Variants in PRR16 observed in about 807,000 individuals in gnomAD.
PRR16 encodes protein Largen.
PRR16 carries 6 observed loss-of-function variants against 18.2 expected under a neutral mutation model. The ratio of observed to expected loss-of-function variants is 0.33; its 90% CI spans 0.18 to 0.65. The LOEUF is 0.65. Among genes scored for constraint, PRR16 ranks in the 30% least tolerant of loss-of-function variants. The pLI is 0.74. For missense variants in PRR16, 412 were observed against 376.6 expected (o/e 1.09, Z -0.78); for synonymous variants, 151 against 147.8 (o/e 1.02, Z -0.16).
chr5:120,471,211 A>G (rs1258381228), intron 1 of PRR16, among the ~76,000 whole-genome samples: 1 of 152,180 alleles, frequency 6.6e-6, no homozygotes, highest in African/African-American at 2.4e-5. Flanking sequence ...ATTTGCAAAT[A>G]AAGATGTGCT....
chr5:120,507,357 A>T (rs1750680345), intron 1 of PRR16, among the ~76,000 whole-genome samples: 1 of 152,258 alleles, frequency 6.6e-6, no homozygotes, highest in East Asian at 1.9e-4. Context: ...GAAGTATTTT[A>T]CTTAAATTGC....
the PRR16 span, among the ~76,000 whole-genome samples, chr5:120,793,901 C>T: frequency 1.3e-5 from 2 of 152,048 alleles, no homozygotes; most frequent in African/African-American, 4.8e-5. Flanking sequence ...GCAGTGGTAA[C>T]ACAATGATAA....
intron 1 of PRR16, among the ~76,000 whole-genome samples, chr5:120,618,787 C>G (rs1423855281): frequency 1.3e-5 from 2 of 151,032 alleles, no homozygotes; most frequent in Non-Finnish European, 2.9e-5. Context: ...GAATTCACCT[C>G]GAAGCTATAC....
intron 1 of PRR16, among the ~76,000 whole-genome samples, chr5:120,480,206 C>T (rs1260540990): frequency 2.0e-5 from 3 of 152,070 alleles, no homozygotes; most frequent in African/African-American, 7.2e-5. Context: ...ACCTGGGAGG[C>T]AGAGGTTGCA....
chr5:120,567,339 C>T (rs966886513), intron 1 of PRR16, among the ~76,000 whole-genome samples: 1 of 152,096 alleles, frequency 6.6e-6, no homozygotes, highest in East Asian at 1.9e-4. Context: ...ATCTGAGAGA[C>T]TGGACGTTGG....
At chr5:120,523,890 A>G (rs1751268022) in intron 1 of PRR16, among the ~76,000 whole-genome samples, 1 of 152,168 alleles carries the variant, frequency 6.6e-6, no homozygotes, top group African/African-American at 2.4e-5. Context: ...AGATAATTCA[A>G]CCCAAGAGAA....
the PRR16 span, among the ~76,000 whole-genome samples, chr5:120,789,606 T>A: frequency 6.6e-6 from 1 of 152,122 alleles, no homozygotes; most frequent in African/African-American, 2.4e-5. Context: ...TCTACCTCAA[T>A]GGAAAAGCAT....
the PRR16 span, among the ~76,000 whole-genome samples, chr5:120,737,004 T>G: frequency 6.6e-6 from 1 of 152,254 alleles, no homozygotes; most frequent in African/African-American, 2.4e-5. Context: ...GAGAGAGATC[T>G]TTAGAGTGTT....
intron 1 of PRR16, among the ~76,000 whole-genome samples, chr5:120,548,001 A>G (rs867047807): frequency 2.6e-5 from 4 of 152,090 alleles, no homozygotes; most frequent in African/African-American, 9.6e-5. Flanking sequence ...ATGATAAATT[A>G]TAGATTTAGG....
At chr5:120,572,127 A>T (rs1752927672) in intron 1 of PRR16, among the ~76,000 whole-genome samples, 1 of 152,106 alleles carries the variant, frequency 6.6e-6, no homozygotes, top group Non-Finnish European at 1.5e-5. Context: ...CTCGTACTGT[A>T]TTGGTCAAAG....
At chr5:120,764,227 T>A in the PRR16 span, among the ~76,000 whole-genome samples, 1 of 152,250 alleles carries the variant, frequency 6.6e-6, no homozygotes, top group East Asian at 1.9e-4. Flanking sequence ...TGTTGAAGTA[T>A]GTTCCTTCTA....
At chr5:120,597,186 A>G (rs1291201545) in intron 1 of PRR16, among the ~76,000 whole-genome samples, 2 of 151,536 alleles carry the variant, frequency 1.3e-5, no homozygotes, top group African/African-American at 2.4e-5. Context: ...TATTTATTGT[A>G]TTTGAGTACT....
At chr5:120,643,598 TA>T (rs1297502608) in intron 1 of PRR16, among the ~76,000 whole-genome samples, 1 of 152,146 alleles carries the variant, frequency 6.6e-6, no homozygotes, top group Non-Finnish European at 1.5e-5. Context: ...GGATATGTCC[TA>T]AAAGTATAAC....
At chr5:120,714,711 T>G in the PRR16 span, among the ~76,000 whole-genome samples, 2 of 152,100 alleles carry the variant, frequency 1.3e-5, no homozygotes, top group African/African-American at 4.8e-5. Context: ...GCAGCACTAT[T>G]TACAATAGGA....
At chr5:120,651,541 G>T (rs1015949036) in intron 1 of PRR16, among the ~76,000 whole-genome samples, 6 of 152,100 alleles carry the variant, frequency 3.9e-5, no homozygotes, top group Non-Finnish European at 7.3e-5. Flanking sequence ...TCAGCTTTCT[G>T]CATATGGCTA....
At chr5:120,542,007 T>C (rs1485218149) in intron 1 of PRR16, among the ~76,000 whole-genome samples, 1 of 152,120 alleles carries the variant, frequency 6.6e-6, no homozygotes, top group South Asian at 2.1e-4. Context: ...TACTCCCTTG[T>C]TGAAACCAAA....
chr5:120,778,717 C>A, the PRR16 span, among the ~76,000 whole-genome samples: 1 of 152,078 alleles, frequency 6.6e-6, no homozygotes, highest in Non-Finnish European at 1.5e-5. Context: ...GACAAGTTAA[C>A]CTGATTAAAT....
chr5:120,476,833 C>G (rs911566147), intron 1 of PRR16, among the ~76,000 whole-genome samples: 1 of 152,044 alleles, frequency 6.6e-6, no homozygotes, highest in Non-Finnish European at 1.5e-5. Context: ...TAAAAAAAAA[C>G]TTGGAAGAGT....
chr5:120,515,736 A>G (rs762299527), intron 1 of PRR16, among the ~76,000 whole-genome samples: 3 of 152,204 alleles, frequency 2.0e-5, no homozygotes, highest in African/African-American at 7.2e-5. Flanking sequence ...CATGTTTCTC[A>G]CAGTCAATTT....
Sources: gnomAD v4.1 joint callset for allele counts (sites outside exome capture counted in the v4.1 genomes callset) on GRCh38, gnomAD v4.1.1 for gene constraint, MANE v1.5 for transcripts, NCBI Gene and HGNC (gene_info 2026-07-23, HGNC 2026-07-21) for gene names.